The following TMEM87B variants were observed in gnomAD, a reference collection of about 807,000 sequenced individuals.
TMEM87B encodes transmembrane protein 87B.
A neutral mutation model predicts 80.3 loss-of-function variants in TMEM87B; 83 were observed. The observed-to-expected ratio is 1.03, with a 90% CI of 0.87 to 1.24. The LOEUF is 1.24. Among genes scored for constraint, TMEM87B ranks in the 50% most tolerant of loss-of-function variants. The pLI, the probability that TMEM87B is intolerant of heterozygous loss-of-function variation, is 0.00. For synonymous variants in TMEM87B, 219 were observed against 230.5 expected (o/e 0.95, Z 0.45); for missense variants, 625 against 674.4 (o/e 0.93, Z 0.81).
intron 5 of TMEM87B, 111 bp from the exon 6 acceptor site, chr2:112,077,081 T>C: frequency 2.1e-6 from 1 of 471,100 alleles, no homozygotes; most frequent in East Asian, 3.7e-5. Flanking sequence ...AATAGAAAAA[T>C]TTAAAAAGTA....
At chr2:112,071,815 C>A (rs1678648660) in intron 4 of TMEM87B, among the ~76,000 whole-genome samples, 1 of 152,104 alleles carries the variant, frequency 6.6e-6, no homozygotes, top group Non-Finnish European at 1.5e-5. Flanking sequence ...ACTTCCAATA[C>A]CATGTTAAAT....
Position 112,055,557 on chromosome 2 carries a change from C to G in TMEM87B, c.-35C>G, listed in dbSNP as rs970218043. 4 of 1,463,800 alleles carry G rather than the reference C, an allele frequency of 2.7e-6. No homozygotes were observed. The highest frequency in any genetic ancestry group is 3.6e-6 in the Non-Finnish European group (4 of 1,111,616). 90.7% of individuals were successfully genotyped at this position (1,463,800 alleles called of 1,614,324 possible). ...CTGCACCAGGTGCGGGTGTGGCAGG[C>G]GTCTCGGAGCGCCAGGTGCAGCTTC... On this transcript the variant is annotated 5_prime_UTR_variant, in exon 1 of 19. Transcript: ENST00000283206.
intron 8 of TMEM87B, 92 bp downstream of exon 8, chr2:112,081,610 G>C: frequency 8.5e-7 from 1 of 1,182,268 alleles, no homozygotes. Context: ...TCTGAACAGT[G>C]GTTTGGAAAC....
At position 112,055,706 on chromosome 2, in the gene TMEM87B, G is replaced by C; in HGVS notation, c.115G>C (p.Ala39Pro). The change falls in exon 1 of 19, where the codon GCT (alanine) becomes CCT (proline). Residue 39 changes from alanine to proline, a missense_variant. Physicochemically the swap from Ala to Pro is conservative, Grantham distance 27. Transcript: ENST00000283206. ...ALCLLCWTPAAVRAVPELGLW... is the reference protein window; with the variant it reads ...ALCLLCWTPAPVRAVPELGLW... ...CTGCCTCCTGTGCTGGACCCCGGCGGCTGTGCGCGCGGTCCCTGAGCTCGG... is the reference window on the plus strand; with the variant it reads ...CTGCCTCCTGTGCTGGACCCCGGCGCCTGTGCGCGCGGTCCCTGAGCTCGG... 1.3e-6 allele frequency: 2 copies of C among 1,544,940 alleles called. No homozygotes were observed. Among genetic ancestry groups the C allele is most frequent in the Non-Finnish European group, 1.7e-6 (2 of 1,152,628 alleles).
chr2:112,115,560 GTATT>G (rs1430563955), intron 18 of TMEM87B, among the ~76,000 whole-genome samples: 1 of 152,188 alleles, frequency 6.6e-6, no homozygotes, highest in East Asian at 1.9e-4. Flanking sequence ...ACATCTTTCT[GTATT>G]TAAAGTTTTA....
rs1239183361 is a variant in TMEM87B, at chr2:112,117,712, T to G, written c.*1569T>G. The G allele has an allele frequency of 6.6e-6, 1 of 152,210 alleles. No individual in the cohort carries two copies. Among genetic ancestry groups the G allele is most frequent in the East Asian group, 1.9e-4 (1 of 5,196 alleles). The allele number at this position is 152,210 out of a possible 1,614,324, so 9.4% of individuals were successfully genotyped here. ...TGTGAATTCCATTTCTTATTTCAGT[T>G]TCTGCTGCAGTAATGGGTTCCCACC... On this transcript the variant is annotated 3_prime_UTR_variant, in exon 19 of 19. Transcript: ENST00000283206.
chr2:112,082,423 T>C (rs1490724076), intron 8 of TMEM87B, among the ~76,000 whole-genome samples: 1 of 152,090 alleles, frequency 6.6e-6, no homozygotes, highest in Non-Finnish European at 1.5e-5. Flanking sequence ...TTTGAAATAC[T>C]CTAGAAAAAA....
At chr2:112,067,523 CG>C (rs1292114115) in intron 4 of TMEM87B, among the ~76,000 whole-genome samples, 1 of 152,160 alleles carries the variant, frequency 6.6e-6, no homozygotes, top group African/African-American at 2.4e-5. Flanking sequence ...TGCTTGAACT[CG>C]TGAGGCAGAG....
intron 4 of TMEM87B, 96 bp downstream of exon 4, chr2:112,067,163 G>T: frequency 6.8e-7 from 1 of 1,473,540 alleles, no homozygotes; most frequent in Non-Finnish European, 9.3e-7. Flanking sequence ...GATAAAGGTG[G>T]TATCTGACTT....
chr2:112,079,575 G>A (rs1007748309), intron 6 of TMEM87B, among the ~76,000 whole-genome samples: 2 of 152,176 alleles, frequency 1.3e-5, no homozygotes, highest in African/African-American at 4.8e-5. Flanking sequence ...AGTGAACATG[G>A]GGGTGCAGAC....
intron 1 of TMEM87B, among the ~76,000 whole-genome samples, chr2:112,058,470 T>C (rs4848978): frequency 0.72 from 109,148 of 152,156 alleles, 39,538 homozygotes; most frequent in East Asian, 0.91. Context: ...TCTGCATACA[T>C]TCTAGCAGAG....
At chr2:112,065,368 G>A (rs185935569) in intron 3 of TMEM87B, among the ~76,000 whole-genome samples, 11 of 152,114 alleles carry the variant, frequency 7.2e-5, no homozygotes, top group Admixed American at 3.9e-4. Context: ...TTTTGCAACT[G>A]GGCAGGGTGG....
In TMEM87B at chr2:112,077,562, A is replaced by T. The variant is rs191817097; in HGVS notation, c.592+280A>T. ...TTCTCCATTCTTTCAGATTAAAAAAATTTTTTTAACATGTAGAAATGTGTA... is the reference window on the plus strand; with the variant it reads ...TTCTCCATTCTTTCAGATTAAAAAATTTTTTTTAACATGTAGAAATGTGTA... On this transcript the variant is annotated intron_variant, in intron 6 of 18. Coordinates refer to ENST00000283206, the MANE Select transcript of TMEM87B (RefSeq NM_032824.3). 4.3e-4 allele frequency among the ~76,000 whole-genome samples: 65 copies of T among 152,286 alleles called. 1 individual carries two copies. In the East Asian group the frequency reaches 8.3e-3, roughly 19 times the overall value.
intron 10 of TMEM87B, among the ~76,000 whole-genome samples, chr2:112,090,279 G>A (rs532543039): frequency 6.6e-6 from 1 of 152,322 alleles, no homozygotes; most frequent in South Asian, 2.1e-4. Flanking sequence ...ATTCTCTAGA[G>A]AAGTATCAGT....
At chr2:112,092,102 T>C (rs1455732037) in intron 11 of TMEM87B, among the ~76,000 whole-genome samples, 1 of 152,102 alleles carries the variant, frequency 6.6e-6, no homozygotes, top group Non-Finnish European at 1.5e-5. Flanking sequence ...AGTATAGCAG[T>C]AGTAGTTGCC....
chr2:112,066,816 G>A lies in TMEM87B; in HGVS notation c.319-120G>A, dbSNP rs771045919. On this transcript the variant is annotated intron_variant, in intron 3 of 18. Coordinates refer to ENST00000283206, the MANE Select transcript of TMEM87B (RefSeq NM_032824.3). ...TTTATTTGGTATTTTATTCTATTGC[G>A]TATTTCCAGGTATTTCAAACTGAAT... 211 of 840,472 alleles carry A rather than the reference G, an allele frequency of 2.5e-4. No individual in the cohort carries two copies. The highest frequency in any genetic ancestry group is 2.7e-4 in the Non-Finnish European group (155 of 570,424). 52.1% of individuals were successfully genotyped at this position (840,472 alleles called of 1,614,324 possible). A position where few individuals can be genotyped will look rare whatever the true frequency, so the allele number is the denominator to read the frequency against.
At chr2:112,111,710 A>C (rs1280627330) in intron 17 of TMEM87B, among the ~76,000 whole-genome samples, 1 of 152,352 alleles carries the variant, frequency 6.6e-6, no homozygotes, top group African/African-American at 2.4e-5. Context: ...AATGGAACAA[A>C]AATTTTATAA....
intron 4 of TMEM87B, among the ~76,000 whole-genome samples, chr2:112,072,582 G>A (rs1342399915): frequency 6.6e-6 from 1 of 151,976 alleles, no homozygotes; most frequent in Non-Finnish European, 1.5e-5. Context: ...ATTTTCTGAT[G>A]GTTACCTGTA....
chr2:112,057,994 A>G (rs776510431), intron 1 of TMEM87B, among the ~76,000 whole-genome samples: 11 of 151,866 alleles, frequency 7.2e-5, no homozygotes, highest in Non-Finnish European at 1.5e-4. Context: ...CGCCTGGCTA[A>G]TTTTTTATTT....
Sources: gnomAD v4.1 joint callset for allele counts (sites outside exome capture counted in the v4.1 genomes callset) on GRCh38, gnomAD v4.1.1 for gene constraint, MANE v1.5 for transcripts, NCBI Gene and HGNC (gene_info 2026-07-23, HGNC 2026-07-21) for gene names.